Variants in PLCL2 observed in about 807,000 individuals in gnomAD.
The protein encoded by PLCL2 is phospholipase C like 2.
In PLCL2, 4 loss-of-function variants were observed where a neutral mutation model predicts 79.6. The ratio of observed to expected loss-of-function variants is 0.05; its 90% CI spans 0.02 to 0.11. PLCL2 has a LOEUF of 0.11. Ranked by LOEUF, PLCL2 falls within the 10% of genes least tolerant of loss-of-function variation. The pLI, the probability that PLCL2 is intolerant of heterozygous loss-of-function variation, is 1.00. For missense variants in PLCL2, 895 were observed against 1,291.0 expected (o/e 0.69, Z 4.70); for synonymous variants, 484 against 457.7 (o/e 1.06, Z -0.73).
At chr3:16,962,435 T>TC (rs1553639321) in intron 1 of PLCL2, among the ~76,000 whole-genome samples, 9 of 151,400 alleles carry the variant, frequency 5.9e-5, no homozygotes, top group Non-Finnish European at 1.0e-4. Flanking sequence ...TTTTTTTTTT[T>TC]CCCCAAGGAC....
intron 4 of PLCL2, among the ~76,000 whole-genome samples, chr3:17,044,753 G>GA (rs1271489405): frequency 3.9e-5 from 6 of 151,924 alleles, no homozygotes; most frequent in African/African-American, 9.7e-5. Flanking sequence ...CTGTTTATCA[G>GA]AAAAAAAACT....
In PLCL2 at chr3:16,894,599, T is replaced by A. The variant is rs528127827; in HGVS notation, c.327+9233T>A. ...TGCTCTAAATGCACACATTTGGTAT[T>A]ATCAGTGTTTCTTTGTCTTTTTGCT... is the stretch of plus-strand genomic sequence containing the variant. On this transcript the variant is annotated intron_variant, in intron 1 of 5. Coordinates refer to ENST00000615277, the MANE Select transcript of PLCL2 (RefSeq NM_001144382.2). Among the ~76,000 whole-genome samples, 14 of 152,338 alleles carry A rather than the reference T, an allele frequency of 9.2e-5. No homozygotes were observed. The East Asian group carries it at 2.7e-3, about 29-fold the overall frequency.
In PLCL2 at chr3:17,009,105, C is replaced by T. The variant is rs1174171676; in HGVS notation, c.328-569C>T. Among the ~76,000 whole-genome samples, 1 of 152,116 alleles carries T rather than the reference C, an allele frequency of 6.6e-6. No individual in the cohort carries two copies. Among genetic ancestry groups the T allele is most frequent in the Non-Finnish European group, 1.5e-5 (1 of 68,032 alleles). On this transcript the variant is annotated intron_variant, in intron 1 of 5. Transcript: ENST00000615277. The surrounding 1 kb of genome is among the most constrained non-coding windows in gnomAD (Gnocchi z 4.0). The stretch of plus-strand genomic sequence containing the variant: ...ATTCAAACGATTCTCCTGCCTCAGC[C>T]TCCCGAGTAGGTGGGATTACAGGCA...
chr3:17,051,342 T>G (rs956781717), intron 4 of PLCL2, among the ~76,000 whole-genome samples: 3 of 152,204 alleles, frequency 2.0e-5, no homozygotes, highest in African/African-American at 7.2e-5. Flanking sequence ...TAAATGCTTA[T>G]TAAGTGGATA....
rs80288959 is a variant in PLCL2, at chr3:16,887,834, A to G, written c.327+2468A>G. Reference sequence around the variant, plus strand: ...GAATAAAAAGCTAAAGCAGAAGCCCATGTGAAAAAGCAATAGTGACATCTT... The same window carrying G: ...GAATAAAAAGCTAAAGCAGAAGCCCGTGTGAAAAAGCAATAGTGACATCTT... On this transcript the variant is annotated intron_variant, in intron 1 of 5. Coordinates refer to ENST00000615277, the MANE Select transcript of PLCL2 (RefSeq NM_001144382.2). The surrounding 1 kb of genome is among the most constrained non-coding windows in gnomAD (Gnocchi z 4.1). 0.039 allele frequency among the ~76,000 whole-genome samples: 5,958 copies of G among 152,242 alleles called. 200 individuals carry two copies. Among genetic ancestry groups the G allele is most frequent in the Admixed American group, 0.1 (1,572 of 15,294 alleles).
intron 3 of PLCL2, among the ~76,000 whole-genome samples, chr3:17,032,182 A>G (rs1250887605): frequency 2.0e-5 from 3 of 152,016 alleles, no homozygotes; most frequent in African/African-American, 4.8e-5. Flanking sequence ...TTCATAACCA[A>G]TCTTTTGGTA....
intron 5 of PLCL2, 137 bp downstream of exon 5, chr3:17,068,202 A>T: frequency 3.4e-6 from 2 of 590,548 alleles, no homozygotes; most frequent in Non-Finnish European, 6.1e-6. Flanking sequence ...TCACATGAAG[A>T]ACTCTGCCCT....
chr3:16,959,473 G>A (rs1323093272), intron 1 of PLCL2, among the ~76,000 whole-genome samples: 2 of 151,812 alleles, frequency 1.3e-5, no homozygotes, highest in African/African-American at 2.4e-5. Context: ...GGCTTTTATC[G>A]CATTATCTGT....
At chr3:16,968,398 A>G (rs1180209273) in intron 1 of PLCL2, among the ~76,000 whole-genome samples, 1 of 152,108 alleles carries the variant, frequency 6.6e-6, no homozygotes, top group African/African-American at 2.4e-5. Context: ...CTTCCTATCC[A>G]TGAGCATGGA....
At chr3:16,960,854 T>C (rs2063747984) in intron 1 of PLCL2, among the ~76,000 whole-genome samples, 1 of 152,254 alleles carries the variant, frequency 6.6e-6, no homozygotes, top group South Asian at 2.1e-4. Flanking sequence ...TACCCTTCTC[T>C]GTCTCCTCTG....
chr3:16,983,520 A>C (rs1032509147), intron 1 of PLCL2, among the ~76,000 whole-genome samples: 1 of 152,194 alleles, frequency 6.6e-6, no homozygotes, highest in Non-Finnish European at 1.5e-5. Context: ...AATACAAAAA[A>C]TTAGTTGGGC....
At position 17,033,915 on chromosome 3, in the gene PLCL2, CT is replaced by C. The variant is rs1244839972; in HGVS notation, c.3019-8958del. Among the ~76,000 whole-genome samples, 7 of 152,274 alleles carry C rather than the reference CT, an allele frequency of 4.6e-5. No individual in the cohort carries two copies. In the East Asian group the frequency reaches 7.7e-4, roughly 17 times the overall value. Reference sequence around the variant, plus strand: ...TGCAAAATTTTTTAGTGTTGTGCCCCTAACCCACTTTCCTTATAAGCCCTGT... The same window carrying C: ...TGCAAAATTTTTTAGTGTTGTGCCCCAACCCACTTTCCTTATAAGCCCTGT... On this transcript the variant is annotated intron_variant, in intron 3 of 5. Coordinates refer to ENST00000615277, the MANE Select transcript of PLCL2 (RefSeq NM_001144382.2).
chr3:16,969,379 T>C (rs2063835944), intron 1 of PLCL2, among the ~76,000 whole-genome samples: 1 of 152,128 alleles, frequency 6.6e-6, no homozygotes, highest in South Asian at 2.1e-4. Context: ...TCCTGGGCTT[T>C]TTCTAGTTCG....
chr3:16,911,469 A>G (rs759983430), intron 1 of PLCL2, among the ~76,000 whole-genome samples: 7 of 152,152 alleles, frequency 4.6e-5, no homozygotes, highest in Non-Finnish European at 8.8e-5. Context: ...TTTAGAATTT[A>G]CTTAGTTTGT....
At chr3:17,050,952 G>A (rs2064833005) in intron 4 of PLCL2, among the ~76,000 whole-genome samples, 1 of 152,142 alleles carries the variant, frequency 6.6e-6, no homozygotes, top group East Asian at 1.9e-4. Flanking sequence ...ACAATGGAGT[G>A]CTATTCAGCC....
chr3:16,939,964 G>T (rs1369819782), intron 1 of PLCL2, among the ~76,000 whole-genome samples: 1 of 152,164 alleles, frequency 6.6e-6, no homozygotes, highest in Non-Finnish European at 1.5e-5. Context: ...AGGGTCTAAA[G>T]AAGAAGAGTC....
At chr3:16,966,520 A>G (rs1448733146) in intron 1 of PLCL2, among the ~76,000 whole-genome samples, 3 of 152,102 alleles carry the variant, frequency 2.0e-5, no homozygotes, top group Non-Finnish European at 4.4e-5. Context: ...TATCAGGATG[A>G]TGTTGGCCTC....
At chr3:17,067,877 C>A in intron 4 of PLCL2, 79 bp from the exon 5 acceptor site, 1 of 744,564 alleles carries the variant, frequency 1.3e-6, no homozygotes. Flanking sequence ...TTAGCTGTAC[C>A]TAGAAAAAGA....
At chr3:16,983,963 AT>A (rs1448293140) in intron 1 of PLCL2, among the ~76,000 whole-genome samples, 1 of 152,250 alleles carries the variant, frequency 6.6e-6, no homozygotes, top group East Asian at 1.9e-4. Flanking sequence ...ATTTTACTGT[AT>A]ATTATGAAGA....
Sources: allele counts gnomAD v4.1 joint callset (sites outside exome capture counted in the v4.1 genomes callset), GRCh38; gene constraint gnomAD v4.1.1; non-coding constraint Gnocchi (gnomAD v3.1); transcripts MANE v1.5; gene names NCBI Gene and HGNC (gene_info 2026-07-23, HGNC 2026-07-21).